CDK4: variants seen among roughly 807,000 people sequenced by gnomAD.
CDK4 encodes the protein cyclin-dependent kinase 4.
A neutral mutation model predicts 36.7 loss-of-function variants in CDK4; 13 were observed. That is an observed-to-expected ratio of 0.35 (90% CI 0.23 to 0.56). The LOEUF is 0.56. Ranked by LOEUF, CDK4 falls within the 20% of genes least tolerant of loss-of-function variation. The pLI is 0.85. For missense variants in CDK4, 285 were observed against 387.3 expected (o/e 0.74, Z 2.22); for synonymous variants, 158 against 146.4 (o/e 1.08, Z -0.57).
Position 57,750,929 on chromosome 12 carries a change from T to G in CDK4, c.516A>C (p.Thr172=), listed in dbSNP as rs776810139. The stretch of plus-strand genomic sequence containing the variant: ...GTACCATCTTTCTACTGACCACGGG[T>G]GTAAGTGCCATCTGGTAGCTGTAGA... The part of the protein sequence containing the change: ...ARIYSYQMAL[T]PVVVTLWYRA... The change falls in exon 4 of 8, where the codon ACA becomes ACC. Residue 172 remains threonine, a synonymous_variant. Transcript: ENST00000257904. 1 of 1,614,172 alleles carries G rather than the reference T, an allele frequency of 6.2e-7. No individual in the cohort carries two copies. Among genetic ancestry groups the G allele is most frequent in the Non-Finnish European group, 8.5e-7 (1 of 1,180,032 alleles).
Position 57,751,524 on chromosome 12 carries a change from G to A in CDK4, c.194C>T (p.Ala65Val), listed in dbSNP as rs200213586. Residue 65 changes from alanine (A) to valine (V), a missense_variant, in exon 2 of 8, where the codon GCT becomes GTT. Ala to Val is a moderately conservative substitution (Grantham distance 64, BLOSUM62 0). Coordinates refer to ENST00000257904, the MANE Select transcript of CDK4 (RefSeq NM_000075.4). This position sits in a 1 kb window ranked among gnomAD's most constrained non-coding sequence, Gnocchi z 4.5. ...REVALLRRLE[A>V]FEHPNVVRLM... ...CCGGACAACATTGGGATGCTCAAAA[G>A]CCTCCAGTCGCCTCAGTAAAGCCAC... 3.1e-6 allele frequency: 5 copies of A among 1,614,050 alleles called. No individual in the cohort carries two copies. In the East Asian group the frequency reaches 1.1e-4, roughly 36 times the overall value.
chr12:57,749,380 C>T (rs2140383466), intron 6 of CDK4, 63 bp from the exon 7 acceptor site: 1 of 1,613,104 alleles, frequency 6.2e-7, no homozygotes, highest in African/African-American at 1.3e-5. Flanking sequence ...ATGGGCAGAG[C>T]CAGTTGCCAT....
Position 57,751,219 on chromosome 12 carries a change from G to A in CDK4, c.342C>T (p.Ala114=), listed in dbSNP as rs762471901. Residue 114 remains alanine (A), a synonymous_variant, in exon 3 of 8, where the codon GCC becomes GCT. Transcript: ENST00000257904. The surrounding 1 kb of genome is among the most constrained non-coding windows in gnomAD (Gnocchi z 4.5). ...CAACCCCACTCACCTTGATCGTTTC[G>A]GCTGGCAAGCCTGGTGGGGGTGCCT... ...LDKAPPPGLP[A]ETIKDLMRQF... 10 of 1,614,090 alleles carry A rather than the reference G, an allele frequency of 6.2e-6. No individual in the cohort carries two copies. The highest frequency in any genetic ancestry group is 2.2e-5 in the East Asian group (1 of 44,876).
chr12:57,750,115 C>T (rs912245528), intron 5 of CDK4: 8 of 151,822 alleles, frequency 5.3e-5, no homozygotes, highest in African/African-American at 2.0e-4. Flanking sequence ...AATTGGGCCA[C>T]TGCACTCCAG....
rs779962297 is a variant in CDK4 at position 57,751,726 on chromosome 12, C to A, written c.-9G>T. On this transcript the variant is annotated 5_prime_UTR_variant, in exon 2 of 8. Coordinates refer to ENST00000257904, the MANE Select transcript of CDK4 (RefSeq NM_000075.4). This position sits in a 1 kb window ranked among gnomAD's most constrained non-coding sequence, Gnocchi z 4.5. ...TATCGAGAGGTAGCCATTCTCAGAT[C>A]AAGGGAGACCCTACAATCACAGACT... 1.5e-5 allele frequency: 24 copies of A among 1,613,322 alleles called. No individual in the cohort carries two copies. The highest frequency in any genetic ancestry group is 1.9e-5 in the Non-Finnish European group (22 of 1,179,528).
Position 57,751,792 on chromosome 12 carries a change from G to A in CDK4, c.-19-56C>T, listed in dbSNP as rs144213234. ...CGCTTACAGAGTTAGGATGGTATGA[G>A]CCTGCAGCAACAAAGGGACTCCCAA... On this transcript the variant is annotated intron_variant, in intron 1 of 7. Transcript: ENST00000257904. This position sits in a 1 kb window ranked among gnomAD's most constrained non-coding sequence, Gnocchi z 4.5. 6 of 1,316,154 alleles carry A rather than the reference G, an allele frequency of 4.6e-6. No individual in the cohort carries two copies. In the African/African-American group the frequency reaches 8.7e-5, roughly 19 times the overall value. 81.5% of individuals were successfully genotyped at this position (1,316,154 alleles called of 1,614,324 possible).
rs532623024 is a variant in CDK4, at chr12:57,750,773, G to A, written c.523-8C>T. The A allele has an allele frequency of 1.2e-6, 2 of 1,609,212 alleles. No homozygotes were observed. The highest frequency in any genetic ancestry group is 1.3e-5 in the African/African-American group (1 of 74,934). On this transcript the variant is annotated splice_polypyrimidine_tract_variant and splice_region_variant and intron_variant, in intron 4 of 7. Transcript: ENST00000257904. Reference sequence around the variant, plus strand: ...GTACCAGAGTGTAACAACCTAAAGGGAATAGGAAGAATGGATGGGGACCCC... The same window carrying A: ...GTACCAGAGTGTAACAACCTAAAGGAAATAGGAAGAATGGATGGGGACCCC...
rs988310813 is a variant in CDK4, at chr12:57,750,837, A to G, written c.523-72T>C. The G allele has an allele frequency of 3.1e-6, 5 of 1,590,194 alleles. No individual in the cohort carries two copies. In the South Asian group the frequency reaches 3.3e-5, roughly 11 times the overall value. On this transcript the variant is annotated intron_variant, in intron 4 of 7. Transcript: ENST00000257904. ...AAACACAACTTGCTTGACTGAACAC[A>G]TGAAGCACATGACTTCTCAATTGCT...
rs1595110484 is a variant in CDK4, at chr12:57,751,001, C to T, written c.444G>A (p.Val148=). ...CCAGCTTGACTGTTCCACCACTTGT[C>T]ACCAGAATGTTCTCTGGCTTCAGAT... ...HRDLKPENIL[V]TSGGTVKLAD... Residue 148 remains valine, a synonymous_variant, in exon 4 of 8, where the codon GTG becomes GTA. Coordinates refer to ENST00000257904, the MANE Select transcript of CDK4 (RefSeq NM_000075.4). This position sits in a 1 kb window ranked among gnomAD's most constrained non-coding sequence, Gnocchi z 4.5. 2 of 1,614,146 alleles carry T rather than the reference C, an allele frequency of 1.2e-6. No individual in the cohort carries two copies. The highest frequency in any genetic ancestry group is 1.7e-6 in the Non-Finnish European group (2 of 1,180,028).
At chr12:57,750,795 C>T (rs763476153) in intron 4 of CDK4, 30 bp from the exon 5 acceptor site, 16 of 1,596,436 alleles carry the variant, frequency 1.0e-5, no homozygotes, top group Middle Eastern at 1.7e-4. Context: ...TGGATGGGGA[C>T]CCCATGGGTT....
chr12:57,749,722 G>A (rs1955210115), intron 5 of CDK4: 1 of 599,984 alleles, frequency 1.7e-6, no homozygotes, highest in African/African-American at 1.9e-5. Flanking sequence ...AGAAATGCCA[G>A]GTGCAGCGGC....
chr12:57,750,610 G>A lies in CDK4; in HGVS notation c.632+46C>T, dbSNP rs377452761. ...AGGTATGGATGTGGTTTATGAACAA[G>A]CGATTTGGGGAATTCAAGGTAGTCC... is the stretch of plus-strand genomic sequence containing the variant. On this transcript the variant is annotated intron_variant, in intron 5 of 7. Transcript: ENST00000257904. The A allele has an allele frequency of 2.1e-5, 27 of 1,304,024 alleles. No individual in the cohort carries two copies. The African/African-American group carries it at 2.5e-4, about 12-fold the overall frequency. 80.8% of individuals were successfully genotyped at this position (1,304,024 alleles called of 1,614,324 possible).
chr12:57,750,579 T>A (rs1160898711), intron 5 of CDK4, 77 bp downstream of exon 5: 1 of 1,018,464 alleles, frequency 9.8e-7, no homozygotes, highest in East Asian at 2.4e-5. Flanking sequence ...AAAAAAAGAA[T>A]GGGCAAGGTA....
rs2140387805 is a variant in CDK4 at position 57,751,405 on chromosome 12, C to T, written c.219-63G>A. ...ACCCAACATGGCCTCTCATTATTTC[C>T]TCAGGGTCCCCACTTCTCTACAGAT... On this transcript the variant is annotated intron_variant, in intron 2 of 7. Coordinates refer to ENST00000257904, the MANE Select transcript of CDK4 (RefSeq NM_000075.4). This position sits in a 1 kb window ranked among gnomAD's most constrained non-coding sequence, Gnocchi z 4.5. The T allele has an allele frequency of 6.2e-6, 10 of 1,613,100 alleles. No homozygotes were observed. Among genetic ancestry groups the T allele is most frequent in the East Asian group, 2.2e-5 (1 of 44,882 alleles).
rs1228267701 is a variant in CDK4, at chr12:57,748,602, T to A, written c.835A>T (p.Asn279Tyr). Residue 279 changes from asparagine (N) to tyrosine (Y), a missense_variant, in exon 8 of 8, where the codon AAC becomes TAC. Asn to Tyr is a moderately radical substitution (Grantham distance 143). Coordinates refer to ENST00000257904, the MANE Select transcript of CDK4 (RefSeq NM_000075.4). ...AAGGCAGAGATTCGCTTGTGTGGGT[T>A]AAAAGTCAGCATTTCCTGAGGGGAG... ...AQLLLEMLTF[N>Y]PHKRISAFRA... 6.2e-7 allele frequency: 1 copy of A among 1,613,578 alleles called. No homozygotes were observed. Among genetic ancestry groups the A allele is most frequent in the Non-Finnish European group, 8.5e-7 (1 of 1,179,542 alleles).
rs1188210870 is a variant in CDK4, at chr12:57,749,314, C to T, written c.687G>A (p.Leu229=). ...EADQLGKIFD[L]IGLPPEDDWP... is the part of the protein sequence containing the mutation. ...AGTCATCCTCTGGAGGCAGCCCAAT[C>T]AGGCTGTGGGGGACAGGAGAACTCT... Residue 229 remains leucine (L), a synonymous_variant, in exon 7 of 8, where the codon CTG becomes CTA. Coordinates refer to ENST00000257904, the MANE Select transcript of CDK4 (RefSeq NM_000075.4). 2 of 1,614,188 alleles carry T rather than the reference C, an allele frequency of 1.2e-6. No homozygotes were observed. The highest frequency in any genetic ancestry group is 1.7e-6 in the Non-Finnish European group (2 of 1,180,010).
chr12:57,751,835 C>T lies in CDK4; in HGVS notation c.-19-99G>A, dbSNP rs1041533116. ...ACTCCCAAAAAAAAAGCGCAAAGAA[C>T]ACCACCAGCATCCCATCCCCCGCTC... On this transcript the variant is annotated intron_variant, in intron 1 of 7. Transcript: ENST00000257904. The surrounding 1 kb of genome is among the most constrained non-coding windows in gnomAD (Gnocchi z 4.5). The T allele has an allele frequency of 4.5e-5, 37 of 818,454 alleles. No individual in the cohort carries two copies. Among genetic ancestry groups the T allele is most frequent in the African/African-American group, 6.8e-5 (4 of 58,750 alleles). The allele number at this position is 818,454 out of a possible 1,614,324, so 50.7% of individuals were successfully genotyped here. A position where few individuals can be genotyped will look rare whatever the true frequency, so the allele number is the denominator to read the frequency against.
intron 7 of CDK4, 195 bp downstream of exon 7, chr12:57,748,975 GGATTACAGGCGT>G (rs1955195473): frequency 1.5e-6 from 1 of 663,812 alleles, no homozygotes; most frequent in African/African-American, 1.8e-5. Flanking sequence ...CAAAGTGCTG[GGATTACAGGCGT>G]GAGCCACCGT....
Position 57,750,771 on chromosome 12 carries a change from G to A in CDK4, c.523-6C>T, listed in dbSNP as rs2140385921. ...CGGTACCAGAGTGTAACAACCTAAA[G>A]GGAATAGGAAGAATGGATGGGGACC... On this transcript the variant is annotated splice_polypyrimidine_tract_variant and splice_region_variant and intron_variant, in intron 4 of 7. Coordinates refer to ENST00000257904, the MANE Select transcript of CDK4 (RefSeq NM_000075.4). 6.2e-7 allele frequency: 1 copy of A among 1,611,966 alleles called. No individual in the cohort carries two copies. The highest frequency in any genetic ancestry group is 2.2e-5 in the East Asian group (1 of 44,876).
Sources: allele counts gnomAD v4.1 joint callset, GRCh38; gene constraint gnomAD v4.1.1; non-coding constraint Gnocchi (gnomAD v3.1); transcripts MANE v1.5; gene names NCBI Gene and HGNC (gene_info 2026-07-23, HGNC 2026-07-21).